Variants in CD247 observed in about 807,000 individuals in gnomAD.
CD247 encodes T-cell surface glycoprotein CD3 zeta chain.
CD247 carries 13 observed loss-of-function variants against 30.0 expected under a neutral mutation model. That is an observed-to-expected ratio of 0.43 (90% confidence interval 0.28 to 0.69). The LOEUF is 0.69. Ranked by LOEUF, CD247 falls within the 30% of genes least tolerant of loss-of-function variation. CD247 has a pLI of 0.16. For missense variants in CD247, 193 were observed against 212.6 expected (o/e 0.91, Z 0.57); for synonymous variants, 72 against 80.0 (o/e 0.90, Z 0.53).
At chr1:167,499,826 A>T (rs1654831845) in intron 1 of CD247, among the ~76,000 whole-genome samples, 1 of 152,184 alleles carries the variant, frequency 6.6e-6, no homozygotes, top group South Asian at 2.1e-4. Flanking sequence ...TGAGCAAATC[A>T]CTTGCCTTCT....
intron 1 of CD247, among the ~76,000 whole-genome samples, chr1:167,516,462 G>A (rs1319846138): frequency 6.6e-6 from 1 of 152,162 alleles, no homozygotes; most frequent in Non-Finnish European, 1.5e-5. Context: ...TTTTAAAAGG[G>A]ATGTATGCAA....
intron 1 of CD247, among the ~76,000 whole-genome samples, chr1:167,442,866 C>T (rs1001955625): frequency 3.9e-5 from 6 of 152,154 alleles, no homozygotes; most frequent in Non-Finnish European, 5.9e-5. Context: ...GCCACTCGGA[C>T]GAGAGTCCAA....
rs139425212 is a variant in CD247, at chr1:167,503,155, G to C, written c.58+15253C>G. Among the ~76,000 whole-genome samples, 5 of 152,334 alleles carry C rather than the reference G, an allele frequency of 3.3e-5. No homozygotes were observed. In the East Asian group the frequency reaches 9.7e-4, roughly 29 times the overall value. Reference sequence around the variant, plus strand: ...CAGCTACCTCAGCCTTACACAGGAGGGGTGGCAGCTTGCGTCTGCTCCTGC... The same window carrying C: ...CAGCTACCTCAGCCTTACACAGGAGCGGTGGCAGCTTGCGTCTGCTCCTGC... On this transcript the variant is annotated intron_variant, in intron 1 of 7. Transcript: ENST00000362089.
intron 5 of CD247, chr1:167,434,389 C>G: frequency 4.6e-6 from 2 of 439,370 alleles, no homozygotes; most frequent in Non-Finnish European, 8.4e-6. Flanking sequence ...CTGGGCAAAA[C>G]AAGGGCTCAC....
intron 1 of CD247, among the ~76,000 whole-genome samples, chr1:167,486,521 T>C (rs1654214546): frequency 6.6e-6 from 1 of 152,098 alleles, no homozygotes; most frequent in African/African-American, 2.4e-5. Flanking sequence ...CCAGATGACC[T>C]CAGGCCCAGC....
At chr1:167,471,999 A>AT (rs1293332432) in intron 1 of CD247, among the ~76,000 whole-genome samples, 1 of 151,136 alleles carries the variant, frequency 6.6e-6, no homozygotes, top group Non-Finnish European at 1.5e-5. Context: ...CACCCAACTA[A>AT]TTTTTTGTAT....
intron 1 of CD247, 55 bp from the exon 2 acceptor site, chr1:167,440,822 C>G (rs1417191818): frequency 1.8e-6 from 2 of 1,121,204 alleles, no homozygotes; most frequent in Non-Finnish European, 2.7e-6. Context: ...GAACACATCC[C>G]CATTACCCCA....
intron 1 of CD247, among the ~76,000 whole-genome samples, chr1:167,517,412 A>T (rs34291891): frequency 0.013 from 1,938 of 152,328 alleles, 39 homozygotes; most frequent in African/African-American, 0.044. Flanking sequence ...ATTGAAATTC[A>T]GCCTGCCCCA....
intron 1 of CD247, among the ~76,000 whole-genome samples, chr1:167,504,304 C>T (rs34906569): frequency 0.028 from 4,261 of 152,298 alleles, 130 homozygotes; most frequent in African/African-American, 0.08. Context: ...ATCACTTTAC[C>T]AGCCAGGCAT....
At chr1:167,441,741 C>T (rs57493073) in intron 1 of CD247, among the ~76,000 whole-genome samples, 1,912 of 152,324 alleles carry the variant, frequency 0.013, 34 homozygotes, top group African/African-American at 0.043. Flanking sequence ...AGTTAATGCA[C>T]GTTTAGTTGG....
intron 1 of CD247, among the ~76,000 whole-genome samples, chr1:167,480,531 G>T (rs911083724): frequency 6.6e-6 from 1 of 152,144 alleles, no homozygotes; most frequent in Non-Finnish European, 1.5e-5. Context: ...CTAAAAGGTT[G>T]TTTTGCAATG....
intron 1 of CD247, among the ~76,000 whole-genome samples, chr1:167,443,534 C>G (rs148883327): frequency 1.3e-5 from 2 of 152,246 alleles, no homozygotes; most frequent in African/African-American, 2.4e-5. Context: ...GGTTGAGACT[C>G]AGAAGAAAAT....
At chr1:167,469,143 C>T (rs777413986) in intron 1 of CD247, among the ~76,000 whole-genome samples, 21 of 152,062 alleles carry the variant, frequency 1.4e-4, no homozygotes, top group East Asian at 3.9e-4. Flanking sequence ...CCACAGTGCC[C>T]GGCTAATTTT....
Position 167,439,620 on chromosome 1 carries a change from A to T in CD247, c.163-220T>A, listed in dbSNP as rs1239656337. 6.8e-6 allele frequency: 4 copies of T among 590,280 alleles called. No individual in the cohort carries two copies. In the Admixed American group the frequency reaches 1.2e-4, roughly 17 times the overall value. The allele number at this position is 590,280 out of a possible 1,614,324, so 36.6% of individuals were successfully genotyped here. ...TTTTCCTCCCGCCTGTGACACGTGCATTCATCACGCTGGCCCAGGACCCGC... is the reference window on the plus strand; with the variant it reads ...TTTTCCTCCCGCCTGTGACACGTGCTTTCATCACGCTGGCCCAGGACCCGC... On this transcript the variant is annotated intron_variant, in intron 2 of 7. Transcript: ENST00000362089.
chr1:167,496,293 G>T (rs1272247078), intron 1 of CD247, among the ~76,000 whole-genome samples: 1 of 152,102 alleles, frequency 6.6e-6, no homozygotes, highest in South Asian at 2.1e-4. Flanking sequence ...ATTCATCAAA[G>T]AAGCTATCGA....
chr1:167,437,232 G>A (rs541197436), intron 4 of CD247, among the ~76,000 whole-genome samples: 9 of 151,450 alleles, frequency 5.9e-5, no homozygotes, highest in East Asian at 1.9e-4. Flanking sequence ...GAGAAACCCC[G>A]TCTCTACTAA....
chr1:167,518,435 T>G lies in CD247; in HGVS notation c.31A>C (p.Ile11Leu). 6.2e-7 allele frequency: 1 copy of G among 1,614,234 alleles called. No individual in the cohort carries two copies. The highest frequency in any genetic ancestry group is 8.5e-7 in the Non-Finnish European group (1 of 1,180,046). MKWKALFTAA[I>L]LQAQLPITEA... ...GTAATCGGCAACTGTGCCTGCAGGA[T>G]GGCCGCGGTGAAAAGCGCCTTCCAC... The change falls in exon 1 of 8, where the codon ATC becomes CTC. Residue 11 changes from isoleucine to leucine, a missense_variant. Coordinates refer to ENST00000362089, the MANE Select transcript of CD247 (RefSeq NM_198053.3).
chr1:167,430,712 A>G lies in CD247; in HGVS notation c.*969T>C. The stretch of plus-strand genomic sequence containing the variant: ...ATGCCAGTATAAATTAAAACAGTAG[A>G]AAAAAAGCAGAGTAGAGAGCGTTTT... On this transcript the variant is annotated 3_prime_UTR_variant, in exon 8 of 8. Transcript: ENST00000362089. 1 of 398,698 alleles carries G rather than the reference A, an allele frequency of 2.5e-6. No homozygotes were observed. Among genetic ancestry groups the G allele is most frequent in the Non-Finnish European group, 4.4e-6 (1 of 226,088 alleles). The allele number at this position is 398,698 out of a possible 1,614,324, so 24.7% of individuals were successfully genotyped here.
intron 5 of CD247, chr1:167,434,874 C>A: frequency 2.1e-6 from 1 of 465,174 alleles, no homozygotes; most frequent in Non-Finnish European, 4.3e-6. Context: ...CAGACAAAGA[C>A]CACAGAGTGA....
Sources: gnomAD v4.1 joint callset for allele counts (sites outside exome capture counted in the v4.1 genomes callset) on GRCh38, gnomAD v4.1.1 for gene constraint, MANE v1.5 for transcripts, NCBI Gene and HGNC (gene_info 2026-07-23, HGNC 2026-07-21) for gene names.